Variants in LBP observed in about 807,000 individuals in gnomAD.
LBP encodes lipopolysaccharide binding protein, also known as lipopolysaccharide-binding protein.
In LBP, 53 loss-of-function variants were observed where a neutral mutation model predicts 56.6. The ratio of observed to expected loss-of-function variants is 0.94; its 90% confidence interval spans 0.75 to 1.18. LBP has a LOEUF of 1.18. Among genes scored for constraint, LBP ranks in the 50% most tolerant of loss-of-function variants. The pLI is 0.00. For missense variants in LBP, 601 were observed against 598.3 expected (o/e 1.00, Z -0.05); for synonymous variants, 227 against 247.5 (o/e 0.92, Z 0.78).
At chr20:38,375,609 C>G (rs986740530) in intron 14 of LBP, among the ~76,000 whole-genome samples, 1 of 152,110 alleles carries the variant, frequency 6.6e-6, no homozygotes, top group Non-Finnish European at 1.5e-5. Flanking sequence ...ACTTAAGGTT[C>G]TTTTTAAAGC....
chr20:38,353,451 C>T (rs1272613719), intron 3 of LBP, among the ~76,000 whole-genome samples: 5 of 145,246 alleles, frequency 3.4e-5, no homozygotes, highest in African/African-American at 7.6e-5. Context: ...TTCAACCTGT[C>T]GCTGCTAGCG....
chr20:38,349,746 C>T (rs1187090125), intron 2 of LBP, 84 bp downstream of exon 2: 1 of 997,510 alleles, frequency 1.0e-6, no homozygotes, highest in Non-Finnish European at 1.5e-6. Flanking sequence ...GAGAGAGCCT[C>T]AGGATTGGGC....
At chr20:38,370,468 T>A (rs999275076) in intron 10 of LBP, among the ~76,000 whole-genome samples, 1 of 152,188 alleles carries the variant, frequency 6.6e-6, no homozygotes, top group Non-Finnish European at 1.5e-5. Context: ...TTTCCAAGGG[T>A]AGGTACTCTA....
chr20:38,355,840 G>A (rs762653528), intron 5 of LBP, among the ~76,000 whole-genome samples: 7 of 152,024 alleles, frequency 4.6e-5, no homozygotes, highest in African/African-American at 1.7e-4. Flanking sequence ...AGCCCTGGAT[G>A]GGGAGGCAGC....
At chr20:38,360,306 A>T (rs1220852170) in intron 5 of LBP, among the ~76,000 whole-genome samples, 1 of 151,728 alleles carries the variant, frequency 6.6e-6, no homozygotes, top group Non-Finnish European at 1.5e-5. Flanking sequence ...CTGTATGTTT[A>T]TTTGTGTTTA....
chr20:38,360,845 G>A, intron 6 of LBP, 78 bp downstream of exon 6: 1 of 1,091,968 alleles, frequency 9.2e-7, no homozygotes, highest in Non-Finnish European at 1.3e-6. Context: ...TTATAAAATA[G>A]TAAATGGGGC....
In LBP at chr20:38,370,918, C is replaced by T. The variant is rs1187423870; in HGVS notation, c.1217+113C>T. On this transcript the variant is annotated intron_variant, in intron 11 of 14. Coordinates refer to ENST00000217407, the MANE Select transcript of LBP (RefSeq NM_004139.5). ...GGCCACCATTTGGAAAGGACACTTA[C>T]ATTTCACCCCAATTGGCCCAATTCT... The T allele has an allele frequency of 1.0e-5, 9 of 874,434 alleles. No homozygotes were observed. In the East Asian group the frequency reaches 2.2e-4, roughly 21 times the overall value. 54.2% of individuals were successfully genotyped at this position (874,434 alleles called of 1,614,324 possible).
rs559104819 is a variant in LBP at position 38,368,047 on chromosome 20, A to AAAAGAAAGAAAG, written c.982-936_982-925dup. Among the ~76,000 whole-genome samples, 1,517 of 152,086 alleles carry AAAAGAAAGAAAG rather than the reference A, an allele frequency of 1.0e-2. 26 individuals carry two copies. Among genetic ancestry groups the AAAAGAAAGAAAG allele is most frequent in the African/African-American group, 0.035 (1,428 of 41,376 alleles). On this transcript the variant is annotated intron_variant, in intron 9 of 14. Transcript: ENST00000217407. ...TCTCTATTTTAGAAAGAAAAGTTAA[A>AAAAGAAAGAAAG]AAAGAAAGAAAGAAAGAAAGAAATG... is the stretch of plus-strand genomic sequence containing the variant.
At chr20:38,346,991 T>A (rs2076803454) in intron 1 of LBP, among the ~76,000 whole-genome samples, 1 of 152,128 alleles carries the variant, frequency 6.6e-6, no homozygotes. Context: ...CCACCTCTGA[T>A]GATGGGAACC....
chr20:38,373,215 G>C, intron 13 of LBP, 80 bp downstream of exon 13: 1 of 1,214,508 alleles, frequency 8.2e-7, no homozygotes, highest in Non-Finnish European at 1.2e-6. Flanking sequence ...TGGAAAACAG[G>C]GCTCTCCTGG....
intron 6 of LBP, among the ~76,000 whole-genome samples, chr20:38,362,081 C>T (rs185594590): frequency 0.018 from 2,268 of 125,856 alleles, 49 homozygotes; most frequent in African/African-American, 0.052. Context: ...TTTTGTGAGA[C>T]GGAGTCTCGC....
At chr20:38,370,265 A>G (rs903435208) in intron 10 of LBP, among the ~76,000 whole-genome samples, 9 of 151,968 alleles carry the variant, frequency 5.9e-5, no homozygotes, top group African/African-American at 2.2e-4. Flanking sequence ...AGTCCTATCT[A>G]CTCAGGGGGT....
intron 3 of LBP, 104 bp downstream of exon 3, chr20:38,351,043 G>A (rs1568827052): frequency 6.9e-7 from 1 of 1,457,896 alleles, no homozygotes; most frequent in East Asian, 2.3e-5. Context: ...GCCACGTGAT[G>A]GACAGATGGA....
intron 4 of LBP, among the ~76,000 whole-genome samples, chr20:38,354,871 C>G (rs930336998): frequency 1.3e-5 from 2 of 152,132 alleles, no homozygotes; most frequent in Non-Finnish European, 2.9e-5. Context: ...CGCTTGAGCT[C>G]AGGAGTTCAA....
chr20:38,365,656 T>A (rs1283602312), intron 8 of LBP, among the ~76,000 whole-genome samples: 3 of 143,494 alleles, frequency 2.1e-5, no homozygotes, highest in African/African-American at 7.7e-5. Context: ...GTGATCTCAC[T>A]ACTTCACTGC....
At chr20:38,362,060 T>C (rs1220849770) in intron 6 of LBP, among the ~76,000 whole-genome samples, 3 of 146,662 alleles carry the variant, frequency 2.0e-5, no homozygotes, top group East Asian at 2.0e-4. Context: ...TTTCTTTTTT[T>C]TTTTTTTTTT....
chr20:38,367,504 G>C (rs1269427436), intron 9 of LBP, among the ~76,000 whole-genome samples: 2 of 152,112 alleles, frequency 1.3e-5, no homozygotes, highest in Non-Finnish European at 2.9e-5. Flanking sequence ...AAATTCTCAA[G>C]GTTCAACATT....
rs2232601 is a variant in LBP, at chr20:38,364,048, G to A, written c.726G>A (p.Met242Ile). 5.4e-4 allele frequency: 868 copies of A among 1,613,420 alleles called. 3 individuals carry two copies. The African/African-American group carries it at 7.0e-3, about 13-fold the overall frequency. Reference protein sequence around the residue: ...LVEAPRATAQMLEVMFKGEIF... With the variant: ...LVEAPRATAQILEVMFKGEIF... The stretch of plus-strand genomic sequence containing the variant: ...AAGCCCCTCGGGCAACAGCCCAGAT[G>A]CTGGAGGTGATGTTTAAGGTGAGGG... The change falls in exon 7 of 15, where the codon ATG (methionine) becomes ATA (isoleucine). Residue 242 changes from methionine to isoleucine, a missense_variant. Met to Ile is a conservative substitution (Grantham distance 10). Coordinates refer to ENST00000217407, the MANE Select transcript of LBP (RefSeq NM_004139.5).
Position 38,364,797 on chromosome 20 carries a change from A to G in LBP, c.921+45A>G, listed in dbSNP as rs377744240. ...GGTCTCTCAAATGAACACATAACCT[A>G]CCGCTCCTTCCTTCTTTCCTTTTCA... On this transcript the variant is annotated intron_variant, in intron 8 of 14. Coordinates refer to ENST00000217407, the MANE Select transcript of LBP (RefSeq NM_004139.5). 22 of 1,526,066 alleles carry G rather than the reference A, an allele frequency of 1.4e-5. No individual in the cohort carries two copies. In the African/African-American group the frequency reaches 3.0e-4, roughly 21 times the overall value. The allele number at this position is 1,526,066 out of a possible 1,614,324, so 94.5% of individuals were successfully genotyped here.
Sources: allele counts gnomAD v4.1 joint callset (sites outside exome capture counted in the v4.1 genomes callset), GRCh38; gene constraint gnomAD v4.1.1; transcripts MANE v1.5; gene names NCBI Gene and HGNC (gene_info 2026-07-23, HGNC 2026-07-21).